Variants in SVOP observed in about 807,000 individuals in gnomAD.
SVOP encodes the protein SV2 related protein, also known as synaptic vesicle 2-related protein.
A neutral mutation model predicts 69.1 loss-of-function variants in SVOP; 17 were observed. That is an observed-to-expected ratio of 0.25 (90% CI 0.17 to 0.37). SVOP has a LOEUF of 0.37. Among genes scored for constraint, SVOP ranks in the 10% least tolerant of loss-of-function variants. The pLI is 1.00. For missense variants in SVOP, 435 were observed against 597.5 expected (o/e 0.73, Z 2.84); for synonymous variants, 238 against 238.6 (o/e 1.00, Z 0.02).
intron 1 of SVOP, among the ~76,000 whole-genome samples, chr12:109,011,232 C>A (rs2040339593): frequency 6.6e-6 from 1 of 151,858 alleles, no homozygotes; most frequent in Non-Finnish European, 1.5e-5. Flanking sequence ...AGGCACTCAA[C>A]AATCAGACTA....
chr12:108,989,245 A>G (rs2040184830), intron 1 of SVOP, among the ~76,000 whole-genome samples: 1 of 151,920 alleles, frequency 6.6e-6, no homozygotes, highest in Non-Finnish European at 1.5e-5. Flanking sequence ...GCTTTTTGTT[A>G]GTTTGTTTCG....
chr12:108,932,693 T>C (rs2039828894), intron 11 of SVOP, among the ~76,000 whole-genome samples: 1 of 151,878 alleles, frequency 6.6e-6, no homozygotes, highest in Non-Finnish European at 1.5e-5. Context: ...CTCCTTCTTA[T>C]ACCCCCTCCC....
chr12:108,917,376 T>C (rs2039720507), intron 14 of SVOP, among the ~76,000 whole-genome samples: 2 of 152,184 alleles, frequency 1.3e-5, no homozygotes, highest in African/African-American at 4.8e-5. Flanking sequence ...ATAAACAATA[T>C]AGAAATATAT....
chr12:108,921,628 C>A (rs1389648447), intron 12 of SVOP, among the ~76,000 whole-genome samples: 1 of 152,104 alleles, frequency 6.6e-6, no homozygotes, highest in Non-Finnish European at 1.5e-5. Flanking sequence ...CACCAAATCC[C>A]ACAGTATTGT....
chr12:108,920,583 C>A (rs997512112), intron 12 of SVOP, among the ~76,000 whole-genome samples: 1 of 144,746 alleles, frequency 6.9e-6, no homozygotes, highest in Non-Finnish European at 1.5e-5. Flanking sequence ...TTGAGATAAG[C>A]ATTTTTACAT....
At position 108,924,074 on chromosome 12, in the gene SVOP, T is replaced by C. The variant is rs562796878; in HGVS notation, c.1049-1277A>G. Among the ~76,000 whole-genome samples the C allele has an allele frequency of 2.8e-4, 42 of 152,260 alleles. 2 individuals are homozygous for C. The South Asian group carries it at 8.1e-3, about 29-fold the overall frequency. On this transcript the variant is annotated intron_variant, in intron 11 of 15. Coordinates refer to ENST00000610966, the MANE Select transcript of SVOP (RefSeq NM_018711.5). ...TCCATCATGAATGGGATTAGTGTCT[T>C]CATTAAAGAGGTTGAAGGGAGCTCC...
At chr12:108,996,015 C>A (rs1191887353) in intron 1 of SVOP, among the ~76,000 whole-genome samples, 1 of 152,036 alleles carries the variant, frequency 6.6e-6, no homozygotes, top group Non-Finnish European at 1.5e-5. Context: ...TACATACACA[C>A]ACACACGCTG....
At chr12:108,982,367 A>T (rs2040141403) in intron 2 of SVOP, among the ~76,000 whole-genome samples, 1 of 150,744 alleles carries the variant, frequency 6.6e-6, no homozygotes, top group African/African-American at 2.5e-5. Flanking sequence ...CACTATCATC[A>T]CCACTGCCAT....
intron 1 of SVOP, among the ~76,000 whole-genome samples, chr12:109,012,922 C>G (rs549661960): frequency 6.6e-6 from 1 of 152,164 alleles, no homozygotes; most frequent in South Asian, 2.1e-4. Context: ...GGAGTGAGAG[C>G]CTGTCTTAAA....
At chr12:108,972,857 G>T (rs2040087001) in intron 4 of SVOP, among the ~76,000 whole-genome samples, 2 of 152,210 alleles carry the variant, frequency 1.3e-5, no homozygotes, top group African/African-American at 4.8e-5. Context: ...AATACCAAGG[G>T]CTGCAAGGTA....
At chr12:108,922,323 A>G (rs2039753797) in intron 12 of SVOP, among the ~76,000 whole-genome samples, 1 of 152,164 alleles carries the variant, frequency 6.6e-6, no homozygotes, top group Non-Finnish European at 1.5e-5. Context: ...TTGAAAATCC[A>G]TTGCATGTGT....
chr12:108,987,444 T>C (rs927063764), intron 1 of SVOP, among the ~76,000 whole-genome samples: 2 of 152,226 alleles, frequency 1.3e-5, no homozygotes, highest in Non-Finnish European at 2.9e-5. Flanking sequence ...CTTTCACTTA[T>C]TTTAGATATA....
In SVOP at chr12:108,913,222, C is replaced by T. The variant is rs536092868; in HGVS notation, c.1441-481G>A. Among the ~76,000 whole-genome samples the T allele has an allele frequency of 3.9e-5, 6 of 152,084 alleles. No homozygotes were observed. The East Asian group carries it at 5.8e-4, about 15-fold the overall frequency. On this transcript the variant is annotated intron_variant, in intron 15 of 15. Transcript: ENST00000610966. ...GATTACAGGCTTCTGCCACCACGCCCGGCTAATTTTGTATTTTTAGTAGAG... is the reference window on the plus strand; with the variant it reads ...GATTACAGGCTTCTGCCACCACGCCTGGCTAATTTTGTATTTTTAGTAGAG...
At chr12:108,976,747 C>G (rs554078689) in intron 4 of SVOP, among the ~76,000 whole-genome samples, 1 of 152,170 alleles carries the variant, frequency 6.6e-6, no homozygotes, top group Admixed American at 6.5e-5. Context: ...TCCCGAGTAG[C>G]TGGGATTACA....
chr12:108,953,416 TGGATTACA>T (rs978198499), intron 6 of SVOP, among the ~76,000 whole-genome samples: 31 of 152,148 alleles, frequency 2.0e-4, no homozygotes, highest in African/African-American at 6.8e-4. Flanking sequence ...CCAAAGTGCT[TGGATTACA>T]GGCGTGATCA....
intron 11 of SVOP, among the ~76,000 whole-genome samples, chr12:108,924,785 G>A (rs1284794460): frequency 2.6e-5 from 4 of 152,162 alleles, no homozygotes; most frequent in African/African-American, 7.2e-5. Context: ...AGAAACTAAA[G>A]ATAACATCTT....
At position 108,934,222 on chromosome 12, in the gene SVOP, G is replaced by A. The variant is rs759473374; in HGVS notation, c.1021C>T (p.Leu341Phe). 6.2e-7 allele frequency: 1 copy of A among 1,606,672 alleles called. No homozygotes were observed. The highest frequency in any genetic ancestry group is 1.7e-5 in the Admixed American group (1 of 59,012). Residue 341 changes from leucine (L) to phenylalanine (F), a missense_variant, in exon 11 of 16, where the codon CTC (leucine) becomes TTC (phenylalanine). Coordinates refer to ENST00000610966, the MANE Select transcript of SVOP (RefSeq NM_018711.5). ...CCGCAGACATCTCCTGCCTGGAAGA[G>A]TTCTGTGGTGAGTAGAACTAACCCG... Reference protein sequence around the residue: ...YYGLVLLTTELFQAGDVCGIS... With the variant: ...YYGLVLLTTEFFQAGDVCGIS...
At chr12:108,991,505 G>A (rs1207108702) in intron 1 of SVOP, among the ~76,000 whole-genome samples, 2 of 151,978 alleles carry the variant, frequency 1.3e-5, no homozygotes, top group Non-Finnish European at 2.9e-5. Flanking sequence ...ACCAAGGCTG[G>A]AGTGCAGTAT....
intron 1 of SVOP, among the ~76,000 whole-genome samples, chr12:108,989,401 T>G (rs1305923672): frequency 6.7e-6 from 1 of 150,000 alleles, no homozygotes; most frequent in Non-Finnish European, 1.5e-5. Context: ...TGTAAGCGAT[T>G]TACTGAGGAA....
Sources: gnomAD v4.1 joint callset for allele counts (sites outside exome capture counted in the v4.1 genomes callset) on GRCh38, gnomAD v4.1.1 for gene constraint, MANE v1.5 for transcripts, NCBI Gene and HGNC (gene_info 2026-07-23, HGNC 2026-07-21) for gene names.